Variants in MACROD2 observed in about 807,000 individuals in gnomAD.
MACROD2 encodes ADP-ribose glycohydrolase MACROD2.
Under a neutral mutation model 70.4 loss-of-function variants are expected in MACROD2, and 36 were observed. The observed-to-expected ratio is 0.51, with a 90% CI of 0.39 to 0.68. The LOEUF (loss-of-function observed/expected upper bound fraction) is 0.68, where lower values mean the gene tolerates loss of function less well. MACROD2 is among the 30% of genes least tolerant of loss of function. The pLI, the probability that MACROD2 is intolerant of heterozygous loss-of-function variation, is 0.00. For synonymous variants in MACROD2, 172 were observed against 178.8 expected (o/e 0.96, Z 0.30); for missense variants, 496 against 538.4 (o/e 0.92, Z 0.78).
intron 5 of MACROD2, among the ~76,000 whole-genome samples, chr20:15,100,254 G>C (rs959996361): frequency 3.3e-5 from 5 of 151,956 alleles, no homozygotes; most frequent in African/African-American, 1.2e-4. Flanking sequence ...TGGTTCACCT[G>C]ATTTTTTTTC....
At chr20:14,388,203 AG>A (rs1233182541) in intron 3 of MACROD2, among the ~76,000 whole-genome samples, 1 of 151,786 alleles carries the variant, frequency 6.6e-6, no homozygotes, top group Non-Finnish European at 1.5e-5. Flanking sequence ...TAGTAGAGAC[AG>A]GGTTTCACTG....
chr20:15,256,260 A>C (rs1286102776), intron 6 of MACROD2, among the ~76,000 whole-genome samples: 1 of 152,124 alleles, frequency 6.6e-6, no homozygotes, highest in Admixed American at 6.6e-5. Context: ...AAATTTAAAA[A>C]GTGATGCTGT....
At chr20:16,047,433 G>C (rs1045952638) in intron 17 of MACROD2, among the ~76,000 whole-genome samples, 4 of 152,198 alleles carry the variant, frequency 2.6e-5, no homozygotes, top group Non-Finnish European at 5.9e-5. Flanking sequence ...ACAAGTATTT[G>C]AGGGCAGTAA....
At chr20:15,189,389 G>A (rs1281339622) in intron 5 of MACROD2, among the ~76,000 whole-genome samples, 1 of 152,108 alleles carries the variant, frequency 6.6e-6, no homozygotes. Context: ...TACACAGAGA[G>A]AGAAAGAGAG....
chr20:15,115,314 C>T (rs1477385513), intron 5 of MACROD2, among the ~76,000 whole-genome samples: 3 of 152,072 alleles, frequency 2.0e-5, no homozygotes, highest in African/African-American at 7.2e-5. Flanking sequence ...ACTGCTGTCT[C>T]CCTCCCTTGG....
chr20:15,910,338 T>A (rs2147265063), intron 10 of MACROD2, among the ~76,000 whole-genome samples: 1 of 152,200 alleles, frequency 6.6e-6, no homozygotes, highest in African/African-American at 2.4e-5. Flanking sequence ...TTTGAATGTG[T>A]GTCATCAGAG....
chr20:15,921,131 G>A (rs1162249563), intron 10 of MACROD2, among the ~76,000 whole-genome samples: 4 of 152,068 alleles, frequency 2.6e-5, no homozygotes, highest in African/African-American at 4.8e-5. Context: ...AGCTGCCCCC[G>A]TAGACATGCC....
At chr20:15,033,909 G>A (rs1415749774) in intron 5 of MACROD2, among the ~76,000 whole-genome samples, 1 of 152,182 alleles carries the variant, frequency 6.6e-6, no homozygotes, top group Non-Finnish European at 1.5e-5. Context: ...GTAGGGTGTT[G>A]TTTAACCAAC....
At chr20:14,958,364 A>T (rs192391730) in intron 5 of MACROD2, among the ~76,000 whole-genome samples, 1 of 152,310 alleles carries the variant, frequency 6.6e-6, no homozygotes, top group East Asian at 1.9e-4. Context: ...TTTCAAACAT[A>T]CAAATAAGAA....
At chr20:15,919,612 G>T (rs191272785) in intron 10 of MACROD2, among the ~76,000 whole-genome samples, 62 of 152,308 alleles carry the variant, frequency 4.1e-4, no homozygotes, top group East Asian at 2.5e-3. Flanking sequence ...GTGTGTGCCT[G>T]TAATCCCAGC....
At chr20:14,536,720 ATT>A (rs2085371060) in intron 4 of MACROD2, among the ~76,000 whole-genome samples, 2 of 151,212 alleles carry the variant, frequency 1.3e-5, no homozygotes, top group Non-Finnish European at 2.9e-5. Flanking sequence ...CATTTTTTAT[ATT>A]TGTTTCACTT....
chr20:15,401,452 A>C (rs2045929718), intron 6 of MACROD2, among the ~76,000 whole-genome samples: 1 of 152,188 alleles, frequency 6.6e-6, no homozygotes, highest in Admixed American at 6.5e-5. Context: ...CTCCAAGGAC[A>C]AGGGCCCTTA....
Position 15,144,828 on chromosome 20 carries a change from G to A in MACROD2, c.419-85112G>A, listed in dbSNP as rs188904090. ...GAAAAGCGGTTGCTGTCCTGGAAGAGTGGTTCTATATTCTGTTCTATAGTA... is the reference window on the plus strand; with the variant it reads ...GAAAAGCGGTTGCTGTCCTGGAAGAATGGTTCTATATTCTGTTCTATAGTA... On this transcript the variant is annotated intron_variant, in intron 5 of 17. Coordinates refer to ENST00000684519, the MANE Select transcript of MACROD2 (RefSeq NM_001351661.2). Among the ~76,000 whole-genome samples the A allele has an allele frequency of 6.1e-4, 93 of 152,270 alleles. 1 individual carries two copies. The highest frequency in any genetic ancestry group is 1.0e-3 in the Non-Finnish European group (69 of 68,018).
At chr20:15,604,605 T>G (rs2048867810) in intron 8 of MACROD2, among the ~76,000 whole-genome samples, 2 of 152,160 alleles carry the variant, frequency 1.3e-5, no homozygotes, top group Admixed American at 1.3e-4. Context: ...ACCACAGAAT[T>G]TGTATACCAC....
chr20:15,124,350 GT>G (rs10661683), intron 5 of MACROD2, among the ~76,000 whole-genome samples: 35 of 144,278 alleles, frequency 2.4e-4, no homozygotes, highest in African/African-American at 5.1e-4. Context: ...TAATTTCCTA[GT>G]TTTTTTTTTT....
In MACROD2 at chr20:14,011,875, C is replaced by G. The variant is rs557518015; in HGVS notation, c.163+9471C>G. Among the ~76,000 whole-genome samples the G allele has an allele frequency of 3.3e-5, 5 of 151,902 alleles. No homozygotes were observed. In the East Asian group the frequency reaches 7.8e-4, roughly 24 times the overall value. On this transcript the variant is annotated intron_variant, in intron 2 of 17. Coordinates refer to ENST00000684519, the MANE Select transcript of MACROD2 (RefSeq NM_001351661.2). ...GCATCTGGGAATTTGCCTTCTGCCT[C>G]TTGGTCAACAGTAGCTTTTTCTACT...
intron 3 of MACROD2, among the ~76,000 whole-genome samples, chr20:14,350,804 G>T (rs1376970950): frequency 1.3e-5 from 2 of 152,136 alleles, no homozygotes; most frequent in East Asian, 3.9e-4. Context: ...GCCTGTGCTT[G>T]TGGGGTATTA....
At chr20:15,524,812 T>G (rs1354268745) in intron 8 of MACROD2, among the ~76,000 whole-genome samples, 1 of 152,214 alleles carries the variant, frequency 6.6e-6, no homozygotes, top group Non-Finnish European at 1.5e-5. Flanking sequence ...AAAGTTCAAT[T>G]ACCTACTTTT....
intron 4 of MACROD2, among the ~76,000 whole-genome samples, chr20:14,574,619 G>C (rs972515008): frequency 1.3e-5 from 2 of 151,640 alleles, no homozygotes; most frequent in Non-Finnish European, 2.9e-5. Flanking sequence ...CATTTTGGGA[G>C]TGATTGAAAA....
Sources: gnomAD v4.1 joint callset for allele counts (sites outside exome capture counted in the v4.1 genomes callset) on GRCh38, gnomAD v4.1.1 for gene constraint, MANE v1.5 for transcripts, NCBI Gene and HGNC (gene_info 2026-07-23, HGNC 2026-07-21) for gene names.